The following CERS6 variants were observed in gnomAD, a reference collection of about 807,000 sequenced individuals.
The protein encoded by CERS6 is ceramide synthase 6, also known as LAG1 homolog, ceramide synthase 6.
CERS6 carries 26 observed loss-of-function variants against 56.8 expected under a neutral mutation model. The ratio of observed to expected loss-of-function variants is 0.46; its 90% confidence interval spans 0.34 to 0.63. The LOEUF is 0.63. Ranked by LOEUF, CERS6 falls within the 30% of genes least tolerant of loss-of-function variation. The pLI is 0.01. For synonymous variants in CERS6, 164 were observed against 173.3 expected (o/e 0.95, Z 0.42); for missense variants, 415 against 467.5 (o/e 0.89, Z 1.04).
rs183059406 is a variant in CERS6, at chr2:168,540,660, A to T, written c.171-6936A>T. ...CAGAATGTATCCCTATTGTTAAGTGATGCATAACTGTACTTTAAAGATGTT... is the reference window on the plus strand; with the variant it reads ...CAGAATGTATCCCTATTGTTAAGTGTTGCATAACTGTACTTTAAAGATGTT... On this transcript the variant is annotated intron_variant, in intron 1 of 9. Coordinates refer to ENST00000305747, the MANE Select transcript of CERS6 (RefSeq NM_203463.3). Among the ~76,000 whole-genome samples the T allele has an allele frequency of 4.5e-3, 690 of 152,358 alleles. 2 individuals carry two copies. The highest frequency in any genetic ancestry group is 7.8e-3 in the Non-Finnish European group (529 of 68,032).
intron 6 of CERS6, among the ~76,000 whole-genome samples, chr2:168,703,498 C>T (rs192539241): frequency 8.5e-5 from 13 of 152,268 alleles, no homozygotes; most frequent in Admixed American, 2.0e-4. Context: ...GCGGAGATTG[C>T]AGTGAGCCAA....
chr2:168,673,572 C>T (rs1685977362), intron 4 of CERS6, among the ~76,000 whole-genome samples: 1 of 152,144 alleles, frequency 6.6e-6, no homozygotes, highest in Non-Finnish European at 1.5e-5. Context: ...TTGGTCCAGC[C>T]TCTAATTTTA....
rs535799931 is a variant in CERS6, at chr2:168,530,226, G to A, written c.171-17370G>A. ...CAGTTAGAGATGGAGTTGCCAAATC[G>A]CATTCAGTGAGGTACAGTGGCATGG... On this transcript the variant is annotated intron_variant, in intron 1 of 9. Transcript: ENST00000305747. Among the ~76,000 whole-genome samples the A allele has an allele frequency of 5.3e-5, 8 of 152,318 alleles. No homozygotes were observed. The South Asian group carries it at 1.2e-3, about 24-fold the overall frequency.
intron 3 of CERS6, among the ~76,000 whole-genome samples, chr2:168,618,474 G>C (rs1200755405): frequency 1.3e-5 from 2 of 151,964 alleles, no homozygotes; most frequent in African/African-American, 2.4e-5. Flanking sequence ...TTATATACCT[G>C]GAAAACCCTA....
rs191098500 is a variant in CERS6, at chr2:168,742,872, G to A, written c.846-22720G>A. ...GTGGGGGGTCATTAGAAGACTTAAG[G>A]CAGAAGAATTGATTCTAATGATTAT... On this transcript the variant is annotated intron_variant, in intron 8 of 9. Coordinates refer to ENST00000305747, the MANE Select transcript of CERS6 (RefSeq NM_203463.3). Among the ~76,000 whole-genome samples, 9 of 152,254 alleles carry A rather than the reference G, an allele frequency of 5.9e-5. No homozygotes were observed. In the East Asian group the frequency reaches 1.7e-3, roughly 29 times the overall value.
chr2:168,486,047 TTATTAGG>T (rs1393795033), intron 1 of CERS6, among the ~76,000 whole-genome samples: 13 of 152,188 alleles, frequency 8.5e-5, no homozygotes, highest in Admixed American at 8.5e-4. Context: ...AGATCTTAGC[TTATTAGG>T]TGTGCTGTGG....
At chr2:168,752,202 G>T (rs1684289110) in intron 8 of CERS6, among the ~76,000 whole-genome samples, 1 of 151,772 alleles carries the variant, frequency 6.6e-6, no homozygotes, top group South Asian at 2.1e-4. Context: ...TACTTGGGAG[G>T]CTAAGGCAGT....
At chr2:168,478,928 T>G (rs1296615962) in intron 1 of CERS6, among the ~76,000 whole-genome samples, 1 of 152,244 alleles carries the variant, frequency 6.6e-6, no homozygotes, top group African/African-American at 2.4e-5. Context: ...TTCATTATGT[T>G]TTTTGTTAAA....
At chr2:168,461,121 C>T (rs1247431351) in intron 1 of CERS6, among the ~76,000 whole-genome samples, 3 of 152,020 alleles carry the variant, frequency 2.0e-5, no homozygotes, top group East Asian at 1.9e-4. Flanking sequence ...CCTCAGTGTT[C>T]CTATAGTGTA....
chr2:168,709,396 T>A (rs1687034188), intron 6 of CERS6, among the ~76,000 whole-genome samples: 1 of 152,040 alleles, frequency 6.6e-6, no homozygotes, highest in South Asian at 2.1e-4. Flanking sequence ...GAAGTTTGAG[T>A]GAAGACCATG....
Position 168,519,374 on chromosome 2 carries a change from A to T in CERS6, c.171-28222A>T, listed in dbSNP as rs182023104. Reference sequence around the variant, plus strand: ...TTTATGATATAATTTTCTTTTAAAAATTTTTTTAAAATCTTAGATTCAAGG... The same window carrying T: ...TTTATGATATAATTTTCTTTTAAAATTTTTTTTAAAATCTTAGATTCAAGG... On this transcript the variant is annotated intron_variant, in intron 1 of 9. Transcript: ENST00000305747. 6.6e-4 allele frequency among the ~76,000 whole-genome samples: 100 copies of T among 152,286 alleles called. No homozygotes were observed. In the Middle Eastern group the frequency reaches 0.017, roughly 26 times the overall value.
chr2:168,618,710 AC>A (rs1459786261), intron 3 of CERS6, among the ~76,000 whole-genome samples: 3 of 152,228 alleles, frequency 2.0e-5, no homozygotes, highest in African/African-American at 7.2e-5. Context: ...ACTGCAAAAC[AC>A]TGCTGAAGTA....
intron 6 of CERS6, among the ~76,000 whole-genome samples, chr2:168,707,006 A>C (rs4090783): frequency 0.94 from 142,804 of 152,326 alleles, 67,127 homozygotes; most frequent in Non-Finnish European, 0.98. Flanking sequence ...AAACCCAAAT[A>C]TGGCCATCTG....
rs1161271274 is a variant in CERS6, at chr2:168,773,951, A to G, written c.*4289A>G. On this transcript the variant is annotated 3_prime_UTR_variant, in exon 10 of 10. Coordinates refer to ENST00000305747, the MANE Select transcript of CERS6 (RefSeq NM_203463.3). ...ACCCCTCCAATAAATACTTAGAGGTAGTGTATCTGATGCTTGTTTTCGTGG... is the reference window on the plus strand; with the variant it reads ...ACCCCTCCAATAAATACTTAGAGGTGGTGTATCTGATGCTTGTTTTCGTGG... 5.9e-5 allele frequency: 9 copies of G among 152,182 alleles called. No individual in the cohort carries two copies. The highest frequency in any genetic ancestry group is 5.9e-4 in the Admixed American group (9 of 15,268). The allele number at this position is 152,182 out of a possible 1,614,324, so 9.4% of individuals were successfully genotyped here. A position where few individuals can be genotyped will look rare whatever the true frequency, so the allele number is the denominator to read the frequency against.
chr2:168,556,520 C>G (rs1013675395), intron 2 of CERS6, among the ~76,000 whole-genome samples: 1 of 151,990 alleles, frequency 6.6e-6, no homozygotes, highest in Admixed American at 6.6e-5. Context: ...ATCTATATTT[C>G]TGTATTGTGC....
chr2:168,743,147 C>CATATAT (rs148464862), intron 8 of CERS6, among the ~76,000 whole-genome samples: 1,877 of 146,102 alleles, frequency 0.013, 51 homozygotes, highest in African/African-American at 0.045. Flanking sequence ...TGTCTATATT[C>CATATAT]ATATATATAT....
rs1684899520 is a variant in CERS6 at position 168,772,767 on chromosome 2, G to C, written c.*3105G>C. On this transcript the variant is annotated 3_prime_UTR_variant, in exon 10 of 10. Coordinates refer to ENST00000305747, the MANE Select transcript of CERS6 (RefSeq NM_203463.3). ...GTATGTGGTAAAAATGCAGATGATT[G>C]CTGCTTTACCCCAGGGTTTATTAGC... The C allele has an allele frequency of 6.6e-6, 1 of 152,628 alleles. No individual in the cohort carries two copies. The highest frequency in any genetic ancestry group is 6.5e-5 in the Admixed American group (1 of 15,276). The allele number at this position is 152,628 out of a possible 1,614,324, so 9.5% of individuals were successfully genotyped here.
intron 8 of CERS6, among the ~76,000 whole-genome samples, chr2:168,725,467 C>T (rs909736711): frequency 6.6e-6 from 1 of 152,408 alleles, no homozygotes; most frequent in African/African-American, 2.4e-5. Flanking sequence ...CTCTCACTAA[C>T]ACATCCTTAA....
chr2:168,659,110 T>C (rs188966904), intron 4 of CERS6, among the ~76,000 whole-genome samples: 7 of 152,350 alleles, frequency 4.6e-5, no homozygotes, highest in Admixed American at 4.6e-4. Flanking sequence ...TCCTAGACAT[T>C]ATAAATTTTC....
Sources: allele counts gnomAD v4.1 joint callset (sites outside exome capture counted in the v4.1 genomes callset), GRCh38; gene constraint gnomAD v4.1.1; transcripts MANE v1.5; gene names NCBI Gene and HGNC (gene_info 2026-07-23, HGNC 2026-07-21).